The following ERP27 variants were observed in gnomAD, a reference collection of about 807,000 sequenced individuals.
ERP27 encodes the protein endoplasmic reticulum resident protein 27.
Under a neutral mutation model 27.7 loss-of-function variants are expected in ERP27, and 23 were observed. The ratio of observed to expected loss-of-function variants is 0.83; its 90% CI spans 0.60 to 1.18. ERP27 has a LOEUF of 1.18. Among genes scored for constraint, ERP27 ranks in the 50% most tolerant of loss-of-function variants. The pLI is 0.00. For synonymous variants in ERP27, 159 were observed against 118.3 expected, an observed-to-expected ratio of 1.34 and a Z score of -2.23; for missense variants, 363 against 327.9, an observed-to-expected ratio of 1.11 and a Z score of -0.83.
At chr12:14,930,267 C>T (rs752922121) in intron 3 of ERP27, among the ~76,000 whole-genome samples, 5 of 152,100 alleles carry the variant, frequency 3.3e-5, no homozygotes, top group African/African-American at 9.7e-5. Flanking sequence ...TTCTCATGCA[C>T]GAGTTTCTTC....
chr12:14,925,252 T>C (rs765078644), intron 3 of ERP27, among the ~76,000 whole-genome samples: 2 of 152,192 alleles, frequency 1.3e-5, no homozygotes, highest in Non-Finnish European at 2.9e-5. Context: ...CTGGAAACCA[T>C]GGAAGGAACT....
At chr12:14,923,281 C>T (rs980448989) in intron 3 of ERP27, among the ~76,000 whole-genome samples, 5 of 152,026 alleles carry the variant, frequency 3.3e-5, no homozygotes, top group Admixed American at 2.0e-4. Context: ...CAAACTAAAA[C>T]GCTGGCTCAT....
chr12:14,933,491 G>A (rs1053758384), intron 3 of ERP27, among the ~76,000 whole-genome samples: 2 of 152,058 alleles, frequency 1.3e-5, no homozygotes, highest in African/African-American at 4.8e-5. Context: ...TGGTGTGATG[G>A]GGGCATAAAC....
intron 4 of ERP27, among the ~76,000 whole-genome samples, chr12:14,918,106 C>T (rs1414952130): frequency 6.6e-6 from 1 of 152,136 alleles, no homozygotes; most frequent in Admixed American, 6.5e-5. Flanking sequence ...CAACTCTTAA[C>T]AAAGAATAAG....
intron 2 of ERP27, among the ~76,000 whole-genome samples, chr12:14,937,371 G>A (rs1416824359): frequency 6.6e-6 from 1 of 152,170 alleles, no homozygotes; most frequent in East Asian, 1.9e-4. Context: ...ATTTATGGCT[G>A]CCTTTCTTAG....
At chr12:14,926,686 C>A (rs894789385) in intron 3 of ERP27, among the ~76,000 whole-genome samples, 1 of 152,048 alleles carries the variant, frequency 6.6e-6, no homozygotes, top group Middle Eastern at 3.2e-3. Flanking sequence ...TCAGCTTCTT[C>A]TTGGACAATG....
intron 1 of ERP27, 22 bp from the exon 2 acceptor site, chr12:14,938,074 G>A (rs768954027): frequency 4.4e-6 from 7 of 1,593,460 alleles, no homozygotes; most frequent in Non-Finnish European, 6.0e-6. Flanking sequence ...AGCAGAAGAT[G>A]TCAGGGTACT....
At chr12:14,916,941 T>A (rs1182536843) in intron 5 of ERP27, among the ~76,000 whole-genome samples, 1 of 152,158 alleles carries the variant, frequency 6.6e-6, no homozygotes, top group Non-Finnish European at 1.5e-5. Flanking sequence ...TACTAATCAA[T>A]GCAGGAAAAA....
intron 3 of ERP27, among the ~76,000 whole-genome samples, chr12:14,926,762 A>C (rs1015638055): frequency 6.6e-6 from 1 of 152,208 alleles, no homozygotes; most frequent in Non-Finnish European, 1.5e-5. Flanking sequence ...CTAATTCAAG[A>C]CTTACACATG....
chr12:14,932,082 G>A (rs1372600407), intron 3 of ERP27, among the ~76,000 whole-genome samples: 1 of 152,152 alleles, frequency 6.6e-6, no homozygotes, highest in Non-Finnish European at 1.5e-5. Flanking sequence ...TTGGAGGTGA[G>A]TTTAGTTCCC....
chr12:14,928,131 T>C (rs1387847261), intron 3 of ERP27, among the ~76,000 whole-genome samples: 2 of 152,232 alleles, frequency 1.3e-5, no homozygotes, highest in Non-Finnish European at 2.9e-5. Context: ...CTCTTGGACA[T>C]CTCCTTAACC....
In ERP27 at chr12:14,934,893, T is replaced by C. The variant is rs1289480817; in HGVS notation, c.296A>G (p.Tyr99Cys). 1.9e-6 allele frequency: 3 copies of C among 1,613,996 alleles called. No individual in the cohort carries two copies. The highest frequency in any genetic ancestry group is 1.1e-5 in the South Asian group (1 of 91,084). ...GCAGATGGTGTTCCCAGTGATGTTGTAGTGTGTCAGAACCTCAGAATCAGT... is the reference window on the plus strand; with the variant it reads ...GCAGATGGTGTTCCCAGTGATGTTGCAGTGTGTCAGAACCTCAGAATCAGT... The part of the protein sequence containing the change: ...ISTDSEVLTH[Y>C]NITGNTICLF... The change falls in exon 3 of 7, where the codon TAC becomes TGC. Residue 99 changes from tyrosine to cysteine, a missense_variant. Physicochemically the swap from Tyr to Cys is radical, Grantham distance 194 (BLOSUM62 -2). Transcript: ENST00000266397.
At chr12:14,937,921 C>T (rs1031901910) in intron 2 of ERP27, 31 bp downstream of exon 2, 14 of 1,590,374 alleles carry the variant, frequency 8.8e-6, no homozygotes, top group Admixed American at 1.7e-5. Context: ...ACATTTCTGG[C>T]TCTTGGGGGA....
In ERP27 at chr12:14,919,420, A is replaced by C. The variant is rs183194647; in HGVS notation, c.450+1512T>G. 1.4e-4 allele frequency among the ~76,000 whole-genome samples: 21 copies of C among 152,262 alleles called. No homozygotes were observed. In the East Asian group the frequency reaches 4.1e-3, roughly 29 times the overall value. ...TAGCTTGCAAAATGCCACAACACGG[A>C]GGCCATAGCCCAGGGACCATAAGAT... is the stretch of plus-strand genomic sequence containing the variant. On this transcript the variant is annotated intron_variant, in intron 4 of 6. Coordinates refer to ENST00000266397, the MANE Select transcript of ERP27 (RefSeq NM_152321.4).
At chr12:14,937,927 G>A (rs776379135) in intron 2 of ERP27, 25 bp downstream of exon 2, 10 of 1,598,282 alleles carry the variant, frequency 6.3e-6, no homozygotes, top group South Asian at 4.4e-5. Context: ...CTGGCTCTTG[G>A]GGGAATTGCA....
intron 3 of ERP27, among the ~76,000 whole-genome samples, chr12:14,933,604 C>T (rs1204608652): frequency 6.6e-5 from 10 of 152,234 alleles, no homozygotes; most frequent in South Asian, 4.2e-4. Flanking sequence ...AGAAGGGGCA[C>T]GACATTCAGT....
chr12:14,928,958 T>A, intron 3 of ERP27: 1 of 1,535,316 alleles, frequency 6.5e-7, no homozygotes, highest in Non-Finnish European at 8.7e-7. Flanking sequence ...TATTTCCAGC[T>A]GGCAAGTCTC....
At chr12:14,937,806 T>A (rs1463282659) in intron 2 of ERP27, 146 bp downstream of exon 2, 6 of 630,942 alleles carry the variant, frequency 9.5e-6, no homozygotes, top group African/African-American at 7.3e-5. Context: ...GAGGTCCCAA[T>A]GGACAAGATG....
At chr12:14,920,480 T>G (rs1450796505) in intron 4 of ERP27, among the ~76,000 whole-genome samples, 4 of 152,228 alleles carry the variant, frequency 2.6e-5, no homozygotes, top group Admixed American at 1.3e-4. Flanking sequence ...AAAATTTTTT[T>G]GTTTGTCTTT....
Sources: gnomAD v4.1 joint callset for allele counts (sites outside exome capture counted in the v4.1 genomes callset) on GRCh38, gnomAD v4.1.1 for gene constraint, MANE v1.5 for transcripts, NCBI Gene and HGNC (gene_info 2026-07-23, HGNC 2026-07-21) for gene names.